MRPL1: variants seen among roughly 807,000 people sequenced by gnomAD.
MRPL1 encodes the protein mitochondrial ribosomal protein L1.
MRPL1 carries 28 observed loss-of-function variants against 38.0 expected under a neutral mutation model. The observed-to-expected ratio is 0.74, with a 90% CI of 0.55 to 1.01. The LOEUF is 1.01. MRPL1 is among the 50% of genes least tolerant of loss of function. MRPL1 has a pLI of 0.00. For synonymous variants in MRPL1, 123 were observed against 126.7 expected, an observed-to-expected ratio of 0.97 and a Z score of 0.20; for missense variants, 358 against 389.8, an observed-to-expected ratio of 0.92 and a Z score of 0.69.
intron 7 of MRPL1, among the ~76,000 whole-genome samples, chr4:77,934,147 T>C (rs1736909742): frequency 6.6e-6 from 1 of 152,210 alleles, no homozygotes; most frequent in Non-Finnish European, 1.5e-5. Context: ...AGTCTGAAAT[T>C]GTTACTTACT....
chr4:77,883,175 G>T (rs1735584442), intron 2 of MRPL1, 67 bp from the exon 3 acceptor site: 7 of 1,043,234 alleles, frequency 6.7e-6, no homozygotes, highest in South Asian at 4.2e-5. Context: ...TATGTACACT[G>T]GCTTTTTTTT....
intron 1 of MRPL1, among the ~76,000 whole-genome samples, chr4:77,871,169 T>C (rs1735270667): frequency 6.6e-6 from 1 of 151,938 alleles, no homozygotes; most frequent in African/African-American, 2.4e-5. Context: ...TATAGTGAGC[T>C]GTGTTCATGC....
At chr4:77,906,281 G>GGAACACTA (rs1736156832) in intron 6 of MRPL1, among the ~76,000 whole-genome samples, 1 of 152,114 alleles carries the variant, frequency 6.6e-6, no homozygotes, top group Non-Finnish European at 1.5e-5. Flanking sequence ...GAGGAACACT[G>GGAACACTA]AGAAGTGACT....
At chr4:77,933,919 A>G (rs563401446) in intron 7 of MRPL1, among the ~76,000 whole-genome samples, 1 of 152,354 alleles carries the variant, frequency 6.6e-6, no homozygotes, top group African/African-American at 2.4e-5. Context: ...ATTCACACAG[A>G]TATCTGAACA....
chr4:77,911,469 T>G (rs1286716779), intron 7 of MRPL1, among the ~76,000 whole-genome samples: 9 of 151,070 alleles, frequency 6.0e-5, no homozygotes, highest in African/African-American at 1.9e-4. Flanking sequence ...GTTTAAAGAG[T>G]TTTTTTTTGA....
At chr4:77,881,937 C>T (rs1321341001) in intron 2 of MRPL1, among the ~76,000 whole-genome samples, 1 of 152,156 alleles carries the variant, frequency 6.6e-6, no homozygotes, top group African/African-American at 2.4e-5. Context: ...GATGTTACTC[C>T]TGTTTACTGA....
intron 6 of MRPL1, among the ~76,000 whole-genome samples, chr4:77,906,112 A>G (rs1298884263): frequency 6.6e-6 from 1 of 152,218 alleles, no homozygotes; most frequent in Non-Finnish European, 1.5e-5. Flanking sequence ...CTGATCCCTG[A>G]GGTAGTTCAA....
intron 7 of MRPL1, among the ~76,000 whole-genome samples, chr4:77,941,458 T>C (rs1737131215): frequency 6.6e-6 from 1 of 152,214 alleles, no homozygotes; most frequent in African/African-American, 2.4e-5. Context: ...AGTTCTTCTT[T>C]GAATGTCTGA....
At chr4:77,912,410 C>T (rs1736310037) in intron 7 of MRPL1, among the ~76,000 whole-genome samples, 1 of 151,934 alleles carries the variant, frequency 6.6e-6, no homozygotes, top group Admixed American at 6.6e-5. Flanking sequence ...TGTATAACAG[C>T]AAGGAACAAT....
chr4:77,863,081 A>AG, intron 1 of MRPL1: 1 of 624,566 alleles, frequency 1.6e-6, no homozygotes, highest in South Asian at 2.2e-5. Context: ...GTCCACCCTG[A>AG]GGGAGGGAGT....
chr4:77,946,505 G>C (rs1737273928), intron 7 of MRPL1, among the ~76,000 whole-genome samples: 1 of 152,116 alleles, frequency 6.6e-6, no homozygotes, highest in South Asian at 2.1e-4. Context: ...AATTATAAGA[G>C]TATTATTTGG....
rs61508095 is a variant in MRPL1, at chr4:77,952,775, C to G, written c.*168C>G. 469 of 546,996 alleles carry G rather than the reference C, an allele frequency of 8.6e-4. 3 individuals are homozygous for G. Among genetic ancestry groups the G allele is most frequent in the African/African-American group, 6.9e-3 (359 of 51,730 alleles). The allele number at this position is 546,996 out of a possible 1,614,324, so 33.9% of individuals were successfully genotyped here. ...CAAGAATAAGAAAATAAAATTTTCT[C>G]TTTGTCTGAACCTGCCTTTTAGACC... On this transcript the variant is annotated 3_prime_UTR_variant, in exon 9 of 9. Coordinates refer to ENST00000315567, the MANE Select transcript of MRPL1 (RefSeq NM_020236.4).
At chr4:77,893,942 G>T (rs901835967) in intron 5 of MRPL1, among the ~76,000 whole-genome samples, 197 bp from the exon 6 acceptor site, 1 of 151,806 alleles carries the variant, frequency 6.6e-6, no homozygotes, top group African/African-American at 2.4e-5. Context: ...GGATGTGGCT[G>T]TTTTTAAAGG....
rs368255076 is a variant in MRPL1 at position 77,883,505 on chromosome 4, G to T, written c.402+5G>T. Reference sequence around the variant, plus strand: ...GATATGGCACTGGGAAAGAAGGTATGTAGAGTCCATTAAAATAAGTTTACC... The same window carrying T: ...GATATGGCACTGGGAAAGAAGGTATTTAGAGTCCATTAAAATAAGTTTACC... On this transcript the variant is annotated splice_donor_5th_base_variant and intron_variant, in intron 3 of 8. Transcript: ENST00000315567. 12 of 1,588,016 alleles carry T rather than the reference G, an allele frequency of 7.6e-6. No individual in the cohort carries two copies. Among genetic ancestry groups the T allele is most frequent in the Admixed American group, 3.7e-5 (2 of 54,658 alleles).
chr4:77,945,905 A>G (rs1737251905), intron 7 of MRPL1, among the ~76,000 whole-genome samples: 1 of 152,172 alleles, frequency 6.6e-6, no homozygotes. Flanking sequence ...GGCAAAGGGG[A>G]AAATCAAAAA....
chr4:77,938,710 C>A (rs531539717), intron 7 of MRPL1, among the ~76,000 whole-genome samples: 68 of 152,294 alleles, frequency 4.5e-4, no homozygotes, highest in African/African-American at 1.5e-3. Flanking sequence ...TCTGTTAACC[C>A]TTAGTTGTAG....
intron 7 of MRPL1, among the ~76,000 whole-genome samples, chr4:77,930,483 A>G (rs1178964870): frequency 6.6e-6 from 1 of 152,242 alleles, no homozygotes; most frequent in Non-Finnish European, 1.5e-5. Context: ...TCTAGGTTGC[A>G]TGCTCCTTCT....
intron 7 of MRPL1, among the ~76,000 whole-genome samples, chr4:77,927,836 A>G (rs1736750204): frequency 6.6e-6 from 1 of 152,208 alleles, no homozygotes; most frequent in Non-Finnish European, 1.5e-5. Flanking sequence ...GAACATGTAA[A>G]TAATAATGCT....
At chr4:77,887,336 T>C (rs912410380) in intron 5 of MRPL1, 45 bp downstream of exon 5, 2 of 1,423,358 alleles carry the variant, frequency 1.4e-6, no homozygotes, top group Non-Finnish European at 2.0e-6. Context: ...GATGATTCTG[T>C]TATCTTTACC....
Sources: gnomAD v4.1 joint callset for allele counts (sites outside exome capture counted in the v4.1 genomes callset) on GRCh38, gnomAD v4.1.1 for gene constraint, MANE v1.5 for transcripts, NCBI Gene and HGNC (gene_info 2026-07-23, HGNC 2026-07-21) for gene names.